The following ATP2A2 variants were observed in gnomAD, a reference collection of about 807,000 sequenced individuals.
ATP2A2 encodes ATPase sarcoplasmic/endoplasmic reticulum Ca2+ transporting 2.
A neutral mutation model predicts 109.3 loss-of-function variants in ATP2A2; 14 were observed. The ratio of observed to expected loss-of-function variants is 0.13; its 90% CI spans 0.08 to 0.20. The LOEUF (loss-of-function observed/expected upper bound fraction) is 0.20, where lower values mean the gene tolerates loss of function less well. ATP2A2 is among the 10% of genes least tolerant of loss of function. The pLI, the probability that ATP2A2 is intolerant of heterozygous loss-of-function variation, is 1.00. For synonymous variants in ATP2A2, 506 were observed against 490.9 expected, an observed-to-expected ratio of 1.03 and a Z score of -0.41; for missense variants, 657 against 1,321.6, an observed-to-expected ratio of 0.50 and a Z score of 7.80.
At chr12:110,312,700 A>T (rs1876211222) in intron 5 of ATP2A2, among the ~76,000 whole-genome samples, 2 of 151,892 alleles carry the variant, frequency 1.3e-5, no homozygotes, top group South Asian at 4.2e-4. Context: ...AAATACAAAA[A>T]TTACCCGGGT....
intron 4 of ATP2A2, among the ~76,000 whole-genome samples, chr12:110,293,870 A>ATAT (rs1566204044): frequency 5.5e-5 from 4 of 73,310 alleles, no homozygotes; most frequent in Admixed American, 2.7e-4. Flanking sequence ...GTGTGTATAT[A>ATAT]TTTTTTTTTT....
Position 110,281,517 on chromosome 12 carries a change from A to C in ATP2A2, c.-273A>C. ...CCCTCCCGGCGGGCGGCTGAGGGCG[A>C]GGGAGGCCCTCCCTTCTGGCGAGGG... On this transcript the variant is annotated 5_prime_UTR_variant, in exon 1 of 20. Transcript: ENST00000539276. The C allele has an allele frequency of 1.6e-5, 3 of 185,658 alleles. No individual in the cohort carries two copies. Among genetic ancestry groups the C allele is most frequent in the Non-Finnish European group, 2.1e-5 (2 of 94,196 alleles). The allele number at this position is 185,658 out of a possible 1,614,324, so 11.5% of individuals were successfully genotyped here.
Position 110,282,631 on chromosome 12 carries a change from A to C in ATP2A2, c.136+10A>C. The C allele has an allele frequency of 6.2e-7, 1 of 1,614,006 alleles. No individual in the cohort carries two copies. Among genetic ancestry groups the C allele is most frequent in the African/African-American group, 1.3e-5 (1 of 75,018 alleles). ...TTACCGGCTGAAGAAGGTAATCTTAACATGCTGTTTCTGTTTTTTTTCCTC... is the reference window on the plus strand; with the variant it reads ...TTACCGGCTGAAGAAGGTAATCTTACCATGCTGTTTCTGTTTTTTTTCCTC... On this transcript the variant is annotated intron_variant, in intron 2 of 19. Transcript: ENST00000539276.
At position 110,315,627 on chromosome 12, in the gene ATP2A2, G is replaced by A. The variant is rs115705499; in HGVS notation, c.464-7365G>A. On this transcript the variant is annotated intron_variant, in intron 5 of 19. Transcript: ENST00000539276. ...GCAGTACTAGGACTGTCAAATGTTAGCAGTATAGCGTATCCTAAAATTTTT... is the reference window on the plus strand; with the variant it reads ...GCAGTACTAGGACTGTCAAATGTTAACAGTATAGCGTATCCTAAAATTTTT... Among the ~76,000 whole-genome samples the A allele has an allele frequency of 2.6e-3, 395 of 152,194 alleles. 3 individuals are homozygous for A. Among genetic ancestry groups the A allele is most frequent in the African/African-American group, 8.8e-3 (365 of 41,540 alleles).
At chr12:110,345,025 G>A in intron 17 of ATP2A2, 54 bp downstream of exon 17, 1 of 1,579,344 alleles carries the variant, frequency 6.3e-7, no homozygotes, top group South Asian at 1.1e-5. Flanking sequence ...GTGAGGCCTT[G>A]ACCTTTCTGT....
At chr12:110,302,264 A>G (rs1011268153) in intron 5 of ATP2A2, among the ~76,000 whole-genome samples, 7 of 152,198 alleles carry the variant, frequency 4.6e-5, no homozygotes, top group African/African-American at 1.7e-4. Flanking sequence ...CACCTTAAAC[A>G]CTGACTTCCA....
Position 110,345,314 on chromosome 12 carries a change from A to G in ATP2A2, c.2673A>G (p.Glu891=), listed in dbSNP as rs1592867575. 1.9e-6 allele frequency: 3 copies of G among 1,614,142 alleles called. No homozygotes were observed. The highest frequency in any genetic ancestry group is 2.5e-6 in the Non-Finnish European group (3 of 1,180,006). The part of the protein sequence containing the change: ...DFEGVDCAIF[E]SPYPMTMALS... ...AAGGCGTGGATTGTGCAATCTTTGA[A>G]TCCCCATACCCGATGACAATGGCGC... Residue 891 remains glutamate (E), a synonymous_variant, in exon 18 of 20, where the codon GAA becomes GAG. Transcript: ENST00000539276.
chr12:110,308,026 A>G (rs927023310), intron 5 of ATP2A2, among the ~76,000 whole-genome samples: 4 of 151,990 alleles, frequency 2.6e-5, no homozygotes, highest in Non-Finnish European at 5.9e-5. Flanking sequence ...TCTTTTTTCA[A>G]TTTCATTTTC....
At chr12:110,332,777 T>C in intron 9 of ATP2A2, 92 bp downstream of exon 9, 5 of 1,169,038 alleles carry the variant, frequency 4.3e-6, no homozygotes, top group Non-Finnish European at 5.2e-6. Context: ...AAGACAGCTT[T>C]CTGAATGTGG....
In ATP2A2 at chr12:110,349,953, C is replaced by T. The variant is rs1447310556; in HGVS notation, c.*3483C>T. On this transcript the variant is annotated 3_prime_UTR_variant, in exon 20 of 20. Coordinates refer to ENST00000539276, the MANE Select transcript of ATP2A2 (RefSeq NM_170665.4). ...TGCTCACTTCTCCATCAACCTCACCCTCTGCACCACTAACCAAGACCTTGT... is the reference window on the plus strand; with the variant it reads ...TGCTCACTTCTCCATCAACCTCACCTTCTGCACCACTAACCAAGACCTTGT... 7 of 1,225,802 alleles carry T rather than the reference C, an allele frequency of 5.7e-6. No homozygotes were observed. The highest frequency in any genetic ancestry group is 3.7e-5 in the South Asian group (2 of 54,020). The allele number at this position is 1,225,802 out of a possible 1,614,324, so 75.9% of individuals were successfully genotyped here.
chr12:110,325,303 C>A (rs186576529), intron 6 of ATP2A2, among the ~76,000 whole-genome samples: 1 of 152,068 alleles, frequency 6.6e-6, no homozygotes, highest in African/African-American at 2.4e-5. Flanking sequence ...ATATTTTACT[C>A]AGATTGACCC....
chr12:110,309,140 A>ATTTTTTTTTTTTTTTTTTTTTTTT lies in ATP2A2; in HGVS notation c.463+12415_463+12438dup, dbSNP rs10665212. On this transcript the variant is annotated intron_variant, in intron 5 of 19. Transcript: ENST00000539276. ...ATGGAGAGAGAGTTTAAGGAAACTAATTTTTTTTTTTTTTTTTTTTTTTTT... is the reference window on the plus strand; with the variant it reads ...ATGGAGAGAGAGTTTAAGGAAACTAATTTTTTTTTTTTTTTTTTTTTTTTTTTTTTTTTTTTTTTTTTTTTTTTT... Among the ~76,000 whole-genome samples, 8 of 48,902 alleles carry ATTTTTTTTTTTTTTTTTTTTTTTT rather than the reference A, an allele frequency of 1.6e-4. 1 individual carries two copies. Among genetic ancestry groups the ATTTTTTTTTTTTTTTTTTTTTTTT allele is most frequent in the Admixed American group, 3.5e-4 (1 of 2,860 alleles). The allele number at this position is 48,902 out of a possible 152,430, so 32.1% of individuals were successfully genotyped here.
intron 5 of ATP2A2, among the ~76,000 whole-genome samples, chr12:110,305,635 A>G (rs1875207899): frequency 6.6e-6 from 1 of 152,192 alleles, no homozygotes; most frequent in African/African-American, 2.4e-5. Flanking sequence ...CTGTCTTGAT[A>G]GCTAGCTGTC....
intron 5 of ATP2A2, among the ~76,000 whole-genome samples, chr12:110,321,655 G>A (rs1031652297): frequency 3.9e-5 from 6 of 152,088 alleles, no homozygotes; most frequent in African/African-American, 1.2e-4. Flanking sequence ...GACTGGTCTC[G>A]AACTCCTAGC....
intron 5 of ATP2A2, among the ~76,000 whole-genome samples, chr12:110,304,098 T>A (rs1416190086): frequency 6.6e-6 from 1 of 152,198 alleles, no homozygotes; most frequent in Non-Finnish European, 1.5e-5. Flanking sequence ...GTGACTGGCT[T>A]TCTCTTAGCA....
rs929611735 is a variant in ATP2A2, at chr12:110,348,385, G to A, written c.*1915G>A. 2.0e-6 allele frequency: 2 copies of A among 985,294 alleles called. No homozygotes were observed. The highest frequency in any genetic ancestry group is 3.5e-5 in the African/African-American group (2 of 57,188). The allele number at this position is 985,294 out of a possible 1,614,324, so 61.0% of individuals were successfully genotyped here. On this transcript the variant is annotated 3_prime_UTR_variant, in exon 20 of 20. Transcript: ENST00000539276. ...CAAAAACCAGCTTACTCCTTAGCCAGGGTGTGAGGCCTCGACTATATTCTT... is the reference window on the plus strand; with the variant it reads ...CAAAAACCAGCTTACTCCTTAGCCAAGGTGTGAGGCCTCGACTATATTCTT...
chr12:110,344,468 T>C (rs899296880), intron 16 of ATP2A2, among the ~76,000 whole-genome samples: 7 of 152,152 alleles, frequency 4.6e-5, no homozygotes, highest in Non-Finnish European at 7.3e-5. Context: ...CAAATAAATC[T>C]GTGTACAACT....
intron 3 of ATP2A2, among the ~76,000 whole-genome samples, chr12:110,286,690 C>T (rs1429899742): frequency 6.7e-6 from 1 of 148,772 alleles, no homozygotes; most frequent in Non-Finnish European, 1.5e-5. Flanking sequence ...ATTTCCATTT[C>T]CTCTTTATTT....
Position 110,348,567 on chromosome 12 carries a change from C to T in ATP2A2, c.*2097C>T, listed in dbSNP as rs1373744394. On this transcript the variant is annotated 3_prime_UTR_variant, in exon 20 of 20. Coordinates refer to ENST00000539276, the MANE Select transcript of ATP2A2 (RefSeq NM_170665.4). ...TGGAGGTGGAACCTGGAGACCGACT[C>T]TTAAAAGCACAGTCCGTGGTTGGGT... 2 of 985,382 alleles carry T rather than the reference C, an allele frequency of 2.0e-6. No individual in the cohort carries two copies. The highest frequency in any genetic ancestry group is 2.4e-6 in the Non-Finnish European group (2 of 830,042). 61.0% of individuals were successfully genotyped at this position (985,382 alleles called of 1,614,324 possible). A position where few individuals can be genotyped will look rare whatever the true frequency, so the allele number is the denominator to read the frequency against.
Sources: gnomAD v4.1 joint callset for allele counts (sites outside exome capture counted in the v4.1 genomes callset) on GRCh38, gnomAD v4.1.1 for gene constraint, MANE v1.5 for transcripts, NCBI Gene and HGNC (gene_info 2026-07-23, HGNC 2026-07-21) for gene names.